Variants in SGCD observed in about 807,000 individuals in gnomAD.
SGCD encodes sarcoglycan delta, also known as delta-sarcoglycan.
SGCD carries 18 observed loss-of-function variants against 36.6 expected under a neutral mutation model. The observed-to-expected ratio is 0.49, with a 90% CI of 0.34 to 0.73. SGCD has a LOEUF of 0.73. Ranked by LOEUF, SGCD falls within the 30% of genes least tolerant of loss-of-function variation. The probability of loss-of-function intolerance (pLI) is 0.01; values close to 1 mark genes in which losing one functional copy is unlikely to be tolerated. For missense variants in SGCD, 387 were observed against 346.7 expected (o/e 1.12, Z -0.92); for synonymous variants, 133 against 130.6 (o/e 1.02, Z -0.12).
chr5:155,883,739 A>G (rs1755937435), intron 1 of SGCD, among the ~76,000 whole-genome samples: 1 of 151,338 alleles, frequency 6.6e-6, no homozygotes, highest in South Asian at 2.1e-4. Context: ...TACTATTGGA[A>G]AAATTGTGCC....
intron 3 of SGCD, among the ~76,000 whole-genome samples, chr5:156,280,164 A>G (rs1019754070): frequency 6.6e-6 from 1 of 152,146 alleles, no homozygotes; most frequent in African/African-American, 2.4e-5. Flanking sequence ...TTTAATGATA[A>G]TTAAAAAACA....
At chr5:156,194,590 A>G (rs1450446897) in intron 3 of SGCD, among the ~76,000 whole-genome samples, 1 of 152,118 alleles carries the variant, frequency 6.6e-6, no homozygotes, top group Non-Finnish European at 1.5e-5. Context: ...CAGATTAAGT[A>G]ACAGAATAAC....
At chr5:156,394,556 T>A (rs1771752919) in intron 3 of SGCD, among the ~76,000 whole-genome samples, 1 of 152,242 alleles carries the variant, frequency 6.6e-6, no homozygotes, top group South Asian at 2.1e-4. Context: ...CTTAAGTTCC[T>A]AGACATTTTC....
In SGCD at chr5:156,198,388, T is replaced by G. The variant is rs955578185; in HGVS notation, c.-44+74369T>G. Among the ~76,000 whole-genome samples the G allele has an allele frequency of 6.6e-5, 10 of 152,160 alleles. 1 individual carries two copies. The highest frequency in any genetic ancestry group is 5.2e-4 in the Admixed American group (8 of 15,256). ...ATAATAATTTACCGAGCACTTGGAT[T>G]GAGAGACACCATGCTAGGTACTCTG... On this transcript the variant is annotated intron_variant, in intron 3 of 9. Transcript: ENST00000517913.
At chr5:155,756,477 T>C in the SGCD span, among the ~76,000 whole-genome samples, 2 of 152,188 alleles carry the variant, frequency 1.3e-5, no homozygotes, top group African/African-American at 4.8e-5. Context: ...ATTGTTGATA[T>C]CTTGGCCAAG....
intron 3 of SGCD, among the ~76,000 whole-genome samples, chr5:156,456,347 T>A (rs1428054606): frequency 6.6e-6 from 1 of 152,188 alleles, no homozygotes; most frequent in Non-Finnish European, 1.5e-5. Flanking sequence ...TGTATCATCA[T>A]GAACAGATGT....
At chr5:156,311,343 A>T (rs374759368) in intron 3 of SGCD, among the ~76,000 whole-genome samples, 53 of 152,288 alleles carry the variant, frequency 3.5e-4, no homozygotes, top group Middle Eastern at 3.4e-3. Flanking sequence ...GACCCCGAAC[A>T]GGAGTGGTCA....
intron 7 of SGCD, among the ~76,000 whole-genome samples, chr5:156,655,220 C>G (rs1259377883): frequency 3.3e-5 from 5 of 152,114 alleles, no homozygotes; most frequent in African/African-American, 1.2e-4. Context: ...CTTACCTAAT[C>G]AAACATGAGA....
chr5:156,543,228 T>G (rs1237918468), intron 4 of SGCD, among the ~76,000 whole-genome samples: 1 of 152,194 alleles, frequency 6.6e-6, no homozygotes, highest in African/African-American at 2.4e-5. Context: ...ACTCAGTATG[T>G]GCCAGTAGTA....
intron 3 of SGCD, among the ~76,000 whole-genome samples, chr5:156,193,840 A>G (rs902730025): frequency 1.3e-5 from 2 of 152,222 alleles, no homozygotes; most frequent in Non-Finnish European, 2.9e-5. Context: ...AACAGGTTCC[A>G]TGGAAATGAG....
At chr5:156,003,746 A>G (rs963200352) in intron 1 of SGCD, among the ~76,000 whole-genome samples, 11 of 152,214 alleles carry the variant, frequency 7.2e-5, no homozygotes, top group Non-Finnish European at 1.5e-4. Context: ...AGGATAAGCT[A>G]GTGGATTTTC....
chr5:156,574,583 A>G (rs950855997), intron 4 of SGCD, among the ~76,000 whole-genome samples: 1 of 152,100 alleles, frequency 6.6e-6, no homozygotes, highest in South Asian at 2.1e-4. Flanking sequence ...CACCACAAAG[A>G]AAGGCTCGAG....
intron 7 of SGCD, among the ~76,000 whole-genome samples, chr5:156,653,375 G>A (rs747148991): frequency 7.3e-5 from 11 of 151,398 alleles, no homozygotes; most frequent in Non-Finnish European, 1.3e-4. Flanking sequence ...CCTAGTTTGT[G>A]TGCATAGAGG....
At chr5:155,963,487 A>G (rs191023331) in intron 1 of SGCD, among the ~76,000 whole-genome samples, 308 of 152,214 alleles carry the variant, frequency 2.0e-3, no homozygotes, top group African/African-American at 7.2e-3. Flanking sequence ...TGGCCTACAA[A>G]TCGATCTAGA....
the SGCD span, among the ~76,000 whole-genome samples, chr5:155,791,039 T>C: frequency 1.3e-5 from 2 of 152,130 alleles, no homozygotes; most frequent in Non-Finnish European, 1.5e-5. Flanking sequence ...GTAGAAAATA[T>C]GGATAATCAT....
intron 4 of SGCD, among the ~76,000 whole-genome samples, chr5:156,537,745 G>T (rs997981825): frequency 5.3e-5 from 8 of 151,886 alleles, no homozygotes; most frequent in Admixed American, 3.3e-4. Context: ...TAGATGGGCT[G>T]CCTTAGCTAG....
At chr5:155,971,442 T>G (rs1009691370) in intron 1 of SGCD, among the ~76,000 whole-genome samples, 36 of 152,250 alleles carry the variant, frequency 2.4e-4, no homozygotes, top group African/African-American at 8.4e-4. Flanking sequence ...AATACAGTTT[T>G]TATTCCCATA....
At chr5:156,275,598 GA>G (rs1766297723) in intron 3 of SGCD, among the ~76,000 whole-genome samples, 1 of 152,158 alleles carries the variant, frequency 6.6e-6, no homozygotes, top group Admixed American at 6.5e-5. Flanking sequence ...CATTACCAAA[GA>G]CCTCATTTCC....
intron 3 of SGCD, among the ~76,000 whole-genome samples, chr5:156,185,850 TAG>T (rs201378824): frequency 6.9e-4 from 34 of 49,624 alleles, no homozygotes; most frequent in African/African-American, 1.4e-3. Flanking sequence ...TATATATATA[TAG>T]AGAGAGAGAG....
Sources: allele counts gnomAD v4.1 joint callset (sites outside exome capture counted in the v4.1 genomes callset), GRCh38; gene constraint gnomAD v4.1.1; transcripts MANE v1.5; gene names NCBI Gene and HGNC (gene_info 2026-07-23, HGNC 2026-07-21).